The following PHLDB2 variants were observed in gnomAD, a reference collection of about 807,000 sequenced individuals.
PHLDB2 encodes the protein pleckstrin homology-like domain family B member 2.
Under a neutral mutation model 123.6 loss-of-function variants are expected in PHLDB2, and 71 were observed. The ratio of observed to expected loss-of-function variants is 0.57; its 90% CI spans 0.47 to 0.70. PHLDB2 has a LOEUF of 0.70. Ranked by LOEUF, PHLDB2 falls within the 30% of genes least tolerant of loss-of-function variation. The pLI is 0.00. For synonymous variants in PHLDB2, 547 were observed against 541.6 expected (o/e 1.01, Z -0.14); for missense variants, 1,446 against 1,519.5 (o/e 0.95, Z 0.80).
chr3:111,932,390 T>C lies in PHLDB2; in HGVS notation c.2123T>C (p.Leu708Pro), dbSNP rs1288043999. ...ATGAGGGAACAGTTACAACAACAAC[T>C]GAAGAGGGTCAGTAGCAAACAGGAA... is the stretch of plus-strand genomic sequence containing the variant. ...ESMREQLQQQ[L>P]KRDADLLDVE... The change falls in exon 6 of 18, where the codon CTG (leucine) becomes CCG (proline). Residue 708 changes from leucine (L) to proline (P), a missense_variant. Physicochemically the swap from Leu to Pro is moderately conservative, Grantham distance 98 (BLOSUM62 -3). Transcript: ENST00000431670. The C allele has an allele frequency of 1.9e-6, 3 of 1,549,580 alleles. No homozygotes were observed. In the Admixed American group the frequency reaches 5.9e-5, roughly 31 times the overall value.
chr3:111,938,652 T>A (rs1021206253), intron 6 of PHLDB2, among the ~76,000 whole-genome samples: 18 of 152,244 alleles, frequency 1.2e-4, no homozygotes, highest in African/African-American at 4.3e-4. Context: ...GCAGATTGTG[T>A]TGTGTACCAT....
chr3:111,942,490 A>G (rs532729112), intron 8 of PHLDB2, among the ~76,000 whole-genome samples: 3 of 152,350 alleles, frequency 2.0e-5, no homozygotes, highest in South Asian at 2.1e-4. Context: ...GAGTTGGCCA[A>G]TATGCACATT....
exon 1 of PHLDB2, chr3:111,732,649 G>T (rs1243656707): frequency 6.5e-7 from 1 of 1,535,832 alleles, no homozygotes; most frequent in East Asian, 2.4e-5. Context: ...GGCCATCCCT[G>T]CTGAGTCAGG....
intron 2 of PHLDB2, among the ~76,000 whole-genome samples, chr3:111,912,846 A>T (rs1043095908): frequency 2.0e-5 from 3 of 152,212 alleles, no homozygotes; most frequent in Non-Finnish European, 2.9e-5. Context: ...GTGCAATGGC[A>T]TGTGCCTGTA....
At chr3:111,931,812 A>G (rs1056344361) in intron 5 of PHLDB2, among the ~76,000 whole-genome samples, 4 of 152,210 alleles carry the variant, frequency 2.6e-5, no homozygotes, top group East Asian at 3.8e-4. Context: ...GTTAATTCCA[A>G]AACTTGCCAT....
intron 10 of PHLDB2, 28 bp downstream of exon 10, chr3:111,949,103 C>T: frequency 4.3e-6 from 7 of 1,609,516 alleles, no homozygotes; most frequent in Non-Finnish European, 5.9e-6. Flanking sequence ...TTCATTCATT[C>T]ACTGCTTTTC....
intron 1 of PHLDB2, among the ~76,000 whole-genome samples, chr3:111,765,387 A>G (rs916044579): frequency 3.3e-5 from 5 of 152,192 alleles, no homozygotes; most frequent in African/African-American, 1.2e-4. Flanking sequence ...CCACCCCCAC[A>G]GGCTTCTTAC....
At chr3:111,733,318 C>T (rs548651190) in intron 1 of PHLDB2, among the ~76,000 whole-genome samples, 1 of 152,220 alleles carries the variant, frequency 6.6e-6, no homozygotes, top group African/African-American at 2.4e-5. Flanking sequence ...GAGACTAGGC[C>T]GTTTCTTACC....
At chr3:111,820,036 C>G (rs546538843) in intron 1 of PHLDB2, among the ~76,000 whole-genome samples, 1 of 152,318 alleles carries the variant, frequency 6.6e-6, no homozygotes, top group East Asian at 1.9e-4. Context: ...GGATTAAGGT[C>G]AAACCATCCT....
At chr3:111,825,808 A>C (rs2062626890) in intron 1 of PHLDB2, among the ~76,000 whole-genome samples, 1 of 152,098 alleles carries the variant, frequency 6.6e-6, no homozygotes, top group African/African-American at 2.4e-5. Context: ...AGGTTTTTTT[A>C]ATTTGAATCT....
intron 1 of PHLDB2, among the ~76,000 whole-genome samples, chr3:111,834,184 TTA>T (rs1288059417): frequency 2.5e-3 from 270 of 105,894 alleles, no homozygotes; most frequent in African/African-American, 5.8e-3. Context: ...ATTATATATA[TTA>T]TATATGTAAT....
In PHLDB2 at chr3:111,780,399, A is replaced by AGAAGAAGAAGAAGAAGACG. The variant is rs1553726797; in HGVS notation, c.-49+47708_-49+47709insGAAGACGGAAGAAGAAGAA. On this transcript the variant is annotated intron_variant, in intron 1 of 17. Transcript: ENST00000393923. ...AAGAAGAAGAAGAAGAAGAAGAAGA[A>AGAAGAAGAAGAAGAAGACG]GAAGAAGAAGAAAAAGATTAGTTCG... 2.7e-5 allele frequency among the ~76,000 whole-genome samples: 2 copies of AGAAGAAGAAGAAGAAGACG among 74,364 alleles called. 1 individual carries two copies. Among genetic ancestry groups the AGAAGAAGAAGAAGAAGACG allele is most frequent in the Admixed American group, 2.9e-4 (2 of 6,984 alleles). The allele number at this position is 74,364 out of a possible 152,430, so 48.8% of individuals were successfully genotyped here. A position where few individuals can be genotyped will look rare whatever the true frequency, so the allele number is the denominator to read the frequency against.
At chr3:111,881,660 C>G (rs2065932026) in intron 1 of PHLDB2, among the ~76,000 whole-genome samples, 1 of 151,920 alleles carries the variant, frequency 6.6e-6, no homozygotes, top group Non-Finnish European at 1.5e-5. Context: ...AGAATGGCAT[C>G]ATGTGTAGTC....
At chr3:111,882,118 A>G (rs545381288) in intron 1 of PHLDB2, among the ~76,000 whole-genome samples, 1 of 152,318 alleles carries the variant, frequency 6.6e-6, no homozygotes, top group South Asian at 2.1e-4. Context: ...TGATTGTACA[A>G]TATTCTCTCA....
At chr3:111,853,046 T>G (rs1244194987) in intron 2 of PHLDB2, among the ~76,000 whole-genome samples, 3 of 152,210 alleles carry the variant, frequency 2.0e-5, no homozygotes, top group Non-Finnish European at 4.4e-5. Context: ...TTCACTTTAG[T>G]TTTGGTTAAC....
intron 1 of PHLDB2, among the ~76,000 whole-genome samples, chr3:111,825,068 T>C (rs2062591320): frequency 6.6e-6 from 1 of 152,196 alleles, no homozygotes; most frequent in Non-Finnish European, 1.5e-5. Context: ...TGAGAAGAAA[T>C]TTTTGTGCTT....
chr3:111,918,089 C>G (rs760336444), intron 3 of PHLDB2, among the ~76,000 whole-genome samples: 1 of 152,146 alleles, frequency 6.6e-6, no homozygotes, highest in African/African-American at 2.4e-5. Context: ...AAATTGGTCT[C>G]TACCAGGTGA....
At chr3:111,869,154 ATT>A (rs933979214) in intron 1 of PHLDB2, among the ~76,000 whole-genome samples, 1 of 150,960 alleles carries the variant, frequency 6.6e-6, no homozygotes, top group South Asian at 2.1e-4. Flanking sequence ...ACCATCTGGA[ATT>A]TTTTTTTTCT....
At chr3:111,873,884 A>C (rs2065465222) in intron 1 of PHLDB2, among the ~76,000 whole-genome samples, 1 of 152,190 alleles carries the variant, frequency 6.6e-6, no homozygotes, top group Non-Finnish European at 1.5e-5. Flanking sequence ...GGCATATCTT[A>C]CATGGTGGTG....
Sources: gnomAD v4.1 joint callset for allele counts (sites outside exome capture counted in the v4.1 genomes callset) on GRCh38, gnomAD v4.1.1 for gene constraint, MANE v1.5 for transcripts, NCBI Gene and HGNC (gene_info 2026-07-23, HGNC 2026-07-21) for gene names.